The following CBX5 variants were observed in gnomAD, a reference collection of about 807,000 sequenced individuals.
CBX5 encodes the protein chromobox 5.
Under a neutral mutation model 20.7 loss-of-function variants are expected in CBX5, and 7 were observed. The observed-to-expected ratio is 0.34, with a 90% CI of 0.19 to 0.63. CBX5 has a LOEUF of 0.63. Among genes scored for constraint, CBX5 ranks in the 30% least tolerant of loss-of-function variants. CBX5 has a pLI of 0.75. For missense variants in CBX5, 110 were observed against 224.1 expected (o/e 0.49, Z 3.25); for synonymous variants, 78 against 77.0 (o/e 1.01, Z -0.07).
chr12:54,246,293 A>G, intron 3 of CBX5, 78 bp from the exon 4 acceptor site: 1 of 1,086,820 alleles, frequency 9.2e-7, no homozygotes, highest in South Asian at 1.4e-5. Context: ...TCAACAAAAC[A>G]TAACCTAAGT....
rs1943586656 is a variant in CBX5 at position 54,233,270 on chromosome 12, A to G, written c.*8485T>C. 1 of 152,000 alleles carries G rather than the reference A, an allele frequency of 6.6e-6. No individual in the cohort carries two copies. Among genetic ancestry groups the G allele is most frequent in the South Asian group, 2.1e-4 (1 of 4,816 alleles). The allele number at this position is 152,000 out of a possible 1,614,324, so 9.4% of individuals were successfully genotyped here. A position where few individuals can be genotyped will look rare whatever the true frequency, so the allele number is the denominator to read the frequency against. On this transcript the variant is annotated 3_prime_UTR_variant, in exon 5 of 5. Transcript: ENST00000209875. ...CCTGTGAGAGATGTAACTCTTTAAC[A>G]AAAAAAAGGTAGAAGAAAAAACAGT...
At chr12:54,267,388 A>C (rs1943966561) in intron 1 of CBX5, among the ~76,000 whole-genome samples, 3 of 152,372 alleles carry the variant, frequency 2.0e-5, no homozygotes, top group South Asian at 2.1e-4. Context: ...CTCAGTCTTT[A>C]CCATGGCATC....
At position 54,259,856 on chromosome 12, in the gene CBX5, TAATC is replaced by T. The variant is rs781681238; in HGVS notation, c.-42-2168_-42-2165del. ...TTATTCCTCTAACAGCACTGTGAAT[TAATC>T]AATAACATTTTAAGATCATCTAACA... On this transcript the variant is annotated intron_variant, in intron 1 of 4. Transcript: ENST00000209875. Among the ~76,000 whole-genome samples the T allele has an allele frequency of 5.5e-4, 84 of 152,190 alleles. 2 individuals are homozygous for T. Among genetic ancestry groups the T allele is most frequent in the Non-Finnish European group, 1.6e-4 (11 of 68,038 alleles).
chr12:54,245,326 C>T (rs73321043), intron 4 of CBX5, among the ~76,000 whole-genome samples: 163 of 151,650 alleles, frequency 1.1e-3, no homozygotes, highest in African/African-American at 3.7e-3. Flanking sequence ...ATATTTTCTA[C>T]CTCAAATTTA....
At chr12:54,257,188 T>G (rs1489772618) in intron 2 of CBX5, among the ~76,000 whole-genome samples, 14 of 152,086 alleles carry the variant, frequency 9.2e-5, no homozygotes. Flanking sequence ...CTTATTTCAC[T>G]GAGGAGATAA....
chr12:54,266,046 TAA>T (rs79729825), intron 1 of CBX5, among the ~76,000 whole-genome samples: 4 of 108,376 alleles, frequency 3.7e-5, no homozygotes, highest in African/African-American at 1.4e-4. Context: ...GACTCTGTCT[TAA>T]AAAAAAAAAA....
chr12:54,247,195 T>C (rs1943746086), intron 3 of CBX5, among the ~76,000 whole-genome samples: 1 of 151,958 alleles, frequency 6.6e-6, no homozygotes, highest in Non-Finnish European at 1.5e-5. Context: ...AGATGACTGT[T>C]AGCATTAGAA....
At chr12:54,254,099 CTCGA>C (rs1455520869) in intron 2 of CBX5, among the ~76,000 whole-genome samples, 1 of 151,758 alleles carries the variant, frequency 6.6e-6, no homozygotes, top group Admixed American at 6.6e-5. Context: ...TAAATAATAC[CTCGA>C]TAAAGCTATT....
At chr12:54,274,392 T>C (rs1173117762) in intron 1 of CBX5, 1 of 152,188 alleles carries the variant, frequency 6.6e-6, no homozygotes, top group Non-Finnish European at 1.5e-5. Flanking sequence ...AAAAGATGAT[T>C]GCCCAGAGTC....
chr12:54,245,268 C>T (rs951044950), intron 4 of CBX5, among the ~76,000 whole-genome samples: 1 of 152,010 alleles, frequency 6.6e-6, no homozygotes, highest in African/African-American at 2.4e-5. Flanking sequence ...GCCTTGGCCA[C>T]CCAAAGTGTT....
intron 3 of CBX5, among the ~76,000 whole-genome samples, chr12:54,246,456 G>A (rs1187886118): frequency 6.6e-6 from 1 of 152,120 alleles, no homozygotes; most frequent in Non-Finnish European, 1.5e-5. Context: ...GAAGACTGGT[G>A]GTGAACCCTA....
At chr12:54,244,292 G>A (rs578224351) in intron 4 of CBX5, among the ~76,000 whole-genome samples, 97 of 151,690 alleles carry the variant, frequency 6.4e-4, no homozygotes, top group African/African-American at 2.2e-3. Flanking sequence ...GATTACAGAC[G>A]TGAGCCACCA....
Position 54,267,515 on chromosome 12 carries a change from CTT to C in CBX5, c.-42-9825_-42-9824del, listed in dbSNP as rs370474036. On this transcript the variant is annotated intron_variant, in intron 1 of 4. Coordinates refer to ENST00000209875, the MANE Select transcript of CBX5 (RefSeq NM_012117.3). ...CTGTGTTAAGTCAGGCAATTTTTCT[CTT>C]TTTTTTTTTTTTGAGACGGAGTCTA... 3.6e-3 allele frequency among the ~76,000 whole-genome samples: 519 copies of C among 143,710 alleles called. 2 individuals carry two copies. The highest frequency in any genetic ancestry group is 0.012 in the African/African-American group (476 of 39,588). 94.3% of individuals were successfully genotyped at this position (143,710 alleles called of 152,430 possible). A position where few individuals can be genotyped will look rare whatever the true frequency, so the allele number is the denominator to read the frequency against.
rs1055533368 is a variant in CBX5 at position 54,274,698 on chromosome 12, G to C, written c.-43+5310C>G. Among the ~76,000 whole-genome samples, 7 of 152,136 alleles carry C rather than the reference G, an allele frequency of 4.6e-5. No homozygotes were observed. The East Asian group carries it at 1.3e-3, about 29-fold the overall frequency. Reference sequence around the variant, plus strand: ...CTCATGCCTGTAATTCTAACACTTTGGGAGGCCGAGGCGGTTGGATCATGA... The same window carrying C: ...CTCATGCCTGTAATTCTAACACTTTCGGAGGCCGAGGCGGTTGGATCATGA... On this transcript the variant is annotated intron_variant, in intron 1 of 4. Coordinates refer to ENST00000209875, the MANE Select transcript of CBX5 (RefSeq NM_012117.3).
At chr12:54,250,517 G>C (rs1296238138) in intron 3 of CBX5, among the ~76,000 whole-genome samples, 1 of 151,648 alleles carries the variant, frequency 6.6e-6, no homozygotes, top group Non-Finnish European at 1.5e-5. Flanking sequence ...ACAAAAGAAA[G>C]GGCCGGGGCC....
At chr12:54,261,078 C>G (rs1423619106) in intron 1 of CBX5, among the ~76,000 whole-genome samples, 1 of 151,322 alleles carries the variant, frequency 6.6e-6, no homozygotes, top group East Asian at 2.0e-4. Context: ...GTAATCCCAG[C>G]TACTTGGGAG....
At chr12:54,272,720 A>G (rs1021278618) in intron 1 of CBX5, 4 of 152,212 alleles carry the variant, frequency 2.6e-5, no homozygotes, top group Non-Finnish European at 4.4e-5. Context: ...GACTACCCTC[A>G]CCCAAAATGT....
rs1317273868 is a variant in CBX5, at chr12:54,241,080, C to T, written c.*675G>A. On this transcript the variant is annotated 3_prime_UTR_variant, in exon 5 of 5. Transcript: ENST00000209875. ...AGTGCTAAAAGCAATACCGAAAGTC[C>T]TGGGGCTAAAAAGAGTGTCTTGACA... 3 of 152,044 alleles carry T rather than the reference C, an allele frequency of 2.0e-5. No homozygotes were observed. The highest frequency in any genetic ancestry group is 2.9e-5 in the Non-Finnish European group (2 of 68,010). 9.4% of individuals were successfully genotyped at this position (152,044 alleles called of 1,614,324 possible).
At chr12:54,259,801 C>T (rs1284296512) in intron 1 of CBX5, among the ~76,000 whole-genome samples, 1 of 152,264 alleles carries the variant, frequency 6.6e-6, no homozygotes, top group Admixed American at 6.5e-5. Context: ...AAGGGAATTA[C>T]TTCTTAGGTT....
Sources: gnomAD v4.1 joint callset for allele counts (sites outside exome capture counted in the v4.1 genomes callset) on GRCh38, gnomAD v4.1.1 for gene constraint, MANE v1.5 for transcripts, NCBI Gene and HGNC (gene_info 2026-07-23, HGNC 2026-07-21) for gene names.